Variants in PLEKHH2 observed in about 807,000 individuals in gnomAD.
The protein encoded by PLEKHH2 is pleckstrin homology, MyTH4 and FERM domain containing H2, also known as pleckstrin homology domain-containing family H member 2.
Under a neutral mutation model 187.9 loss-of-function variants are expected in PLEKHH2, and 129 were observed. The observed-to-expected ratio is 0.69, with a 90% CI of 0.59 to 0.79. The LOEUF (loss-of-function observed/expected upper bound fraction) is 0.79, where lower values mean the gene tolerates loss of function less well. Ranked by LOEUF, PLEKHH2 falls within the 30% of genes least tolerant of loss-of-function variation. The probability of loss-of-function intolerance (pLI) is 0.00; values close to 1 mark genes in which losing one functional copy is unlikely to be tolerated. For missense variants in PLEKHH2, 2,076 were observed against 1,751.2 expected, an observed-to-expected ratio of 1.19 and a Z score of -3.31; for synonymous variants, 686 against 605.6, an observed-to-expected ratio of 1.13 and a Z score of -1.95.
At chr2:43,744,867 C>CAAAAA (rs774106764) in intron 23 of PLEKHH2, among the ~76,000 whole-genome samples, 56 of 82,560 alleles carry the variant, frequency 6.8e-4, no homozygotes, top group South Asian at 1.5e-3. Context: ...GACTGTCTCA[C>CAAAAA]AAAAAAAAAA....
At chr2:43,723,345 C>T (rs1670575126) in intron 16 of PLEKHH2, among the ~76,000 whole-genome samples, 1 of 152,072 alleles carries the variant, frequency 6.6e-6, no homozygotes, top group South Asian at 2.1e-4. Context: ...GAGGAGCCTT[C>T]CTAAGGCAAT....
intron 7 of PLEKHH2, 102 bp downstream of exon 7, chr2:43,697,458 G>A (rs936246590): frequency 1.0e-6 from 1 of 970,400 alleles, no homozygotes; most frequent in African/African-American, 1.7e-5. Context: ...ATTTTTTTCT[G>A]ACAATTTGAT....
intron 27 of PLEKHH2, 83 bp downstream of exon 27, chr2:43,759,112 G>T: frequency 6.9e-7 from 1 of 1,442,766 alleles, no homozygotes; most frequent in South Asian, 1.6e-5. Context: ...TAGTATCCTT[G>T]GCTTTTGTAA....
chr2:43,695,196 G>A lies in PLEKHH2; in HGVS notation c.474G>A (p.Glu158=), dbSNP rs181193760. Residue 158 remains glutamate, a synonymous_variant, in exon 6 of 30, where the codon GAG becomes GAA. Transcript: ENST00000282406. ...LRLINQNQTE[E]IRTMQSKLQE... is the part of the protein sequence containing the mutation. ...TGATCAACCAAAACCAAACTGAAGA[G>A]ATAAGAACAATGCAGTCAAAACTAC... The A allele has an allele frequency of 1.3e-6, 2 of 1,596,414 alleles. No individual in the cohort carries two copies. Among genetic ancestry groups the A allele is most frequent in the Non-Finnish European group, 1.7e-6 (2 of 1,168,972 alleles).
At chr2:43,675,991 A>C in intron 2 of PLEKHH2, 1 of 1,613,974 alleles carries the variant, frequency 6.2e-7, no homozygotes, top group Non-Finnish European at 8.5e-7. Flanking sequence ...ATTACTTTCT[A>C]TATTGAACAA....
Position 43,765,708 on chromosome 2 carries a change from A to T in PLEKHH2, c.*110A>T, listed in dbSNP as rs372817754. 20 of 975,960 alleles carry T rather than the reference A, an allele frequency of 2.0e-5. 1 individual carries two copies. The highest frequency in any genetic ancestry group is 1.8e-4 in the African/African-American group (11 of 60,730). The allele number at this position is 975,960 out of a possible 1,614,324, so 60.5% of individuals were successfully genotyped here. ...ACGGCAGCCACACACCGGTATTCCA[A>T]ACCTTAACAATGAAGGGGGTTAGTC... On this transcript the variant is annotated 3_prime_UTR_variant, in exon 30 of 30. Transcript: ENST00000282406.
chr2:43,724,135 T>TAA (rs1670623738), intron 16 of PLEKHH2, among the ~76,000 whole-genome samples: 1 of 97,216 alleles, frequency 1.0e-5, no homozygotes. Flanking sequence ...AAGGAGGACT[T>TAA]ACCAAGGTAA....
chr2:43,725,189 T>G (rs1274733377), intron 16 of PLEKHH2, among the ~76,000 whole-genome samples: 3 of 152,212 alleles, frequency 2.0e-5, no homozygotes, highest in Non-Finnish European at 4.4e-5. Context: ...CAGCTCTGTC[T>G]CATTCCGTAA....
chr2:43,758,974 A>T lies in PLEKHH2; in HGVS notation c.4016A>T (p.Tyr1339Phe). Residue 1339 changes from tyrosine (Y) to phenylalanine (F), a missense_variant, in exon 27 of 30, where the codon TAT becomes TTT. By Grantham distance (22) the Tyr-to-Phe change is conservative (BLOSUM62 3). Coordinates refer to ENST00000282406, the MANE Select transcript of PLEKHH2 (RefSeq NM_172069.4). ...GHSAADCVRI[Y>F]LTVARKWPFF... ...AGTGCTGCTGACTGTGTGCGCATTTATTTGACAGTAGCCAGGAAGTGGCCA... is the reference window on the plus strand; with the variant it reads ...AGTGCTGCTGACTGTGTGCGCATTTTTTTGACAGTAGCCAGGAAGTGGCCA... The T allele has an allele frequency of 6.2e-7, 1 of 1,612,780 alleles. No homozygotes were observed. Among genetic ancestry groups the T allele is most frequent in the Admixed American group, 1.7e-5 (1 of 59,986 alleles).
chr2:43,642,451 T>C (rs1178957359), intron 1 of PLEKHH2, among the ~76,000 whole-genome samples: 2 of 152,100 alleles, frequency 1.3e-5, no homozygotes, highest in African/African-American at 4.8e-5. Context: ...ATCTAGATGG[T>C]TTTTTATTTT....
intron 15 of PLEKHH2, among the ~76,000 whole-genome samples, chr2:43,714,129 G>C (rs1670100414): frequency 6.6e-6 from 1 of 152,112 alleles, no homozygotes; most frequent in Admixed American, 6.5e-5. Context: ...CTTGTTTCAA[G>C]GACCTCATAT....
chr2:43,682,369 C>T (rs1423587404), intron 3 of PLEKHH2, among the ~76,000 whole-genome samples: 2 of 152,016 alleles, frequency 1.3e-5, no homozygotes, highest in Non-Finnish European at 2.9e-5. Flanking sequence ...TGCAGTGGTG[C>T]CATCTCAGCT....
At chr2:43,669,518 A>G (rs932969407) in intron 2 of PLEKHH2, among the ~76,000 whole-genome samples, 5 of 152,252 alleles carry the variant, frequency 3.3e-5, no homozygotes, top group Non-Finnish European at 5.9e-5. Flanking sequence ...AAAGACATTA[A>G]CAAAATGATA....
chr2:43,744,555 A>G (rs181781436), intron 23 of PLEKHH2, among the ~76,000 whole-genome samples: 16 of 152,260 alleles, frequency 1.1e-4, no homozygotes, highest in Admixed American at 1.0e-3. Flanking sequence ...CCTGAGCTGG[A>G]AATGAAAAAT....
At chr2:43,728,340 G>C (rs138351191) in intron 17 of PLEKHH2, among the ~76,000 whole-genome samples, 1 of 151,452 alleles carries the variant, frequency 6.6e-6, no homozygotes, top group African/African-American at 2.4e-5. Context: ...GTAGCTGGAC[G>C]TGGTGACAGG....
chr2:43,736,066 A>G (rs1030694245), intron 19 of PLEKHH2, among the ~76,000 whole-genome samples: 2 of 152,142 alleles, frequency 1.3e-5, no homozygotes, highest in Non-Finnish European at 2.9e-5. Flanking sequence ...TGTTATTATT[A>G]TTATTATTTA....
chr2:43,710,878 G>C (rs921711073), intron 14 of PLEKHH2: 1 of 1,126,536 alleles, frequency 8.9e-7, no homozygotes, highest in African/African-American at 1.6e-5. Flanking sequence ...TTTAAGGAAG[G>C]GTTATCTGGT....
At chr2:43,714,394 C>T (rs113344788) in intron 15 of PLEKHH2, among the ~76,000 whole-genome samples, 2,981 of 152,214 alleles carry the variant, frequency 0.02, 102 homozygotes, top group African/African-American at 0.068. Context: ...TCCTTCCTGC[C>T]ATTTGTGCTT....
intron 16 of PLEKHH2, among the ~76,000 whole-genome samples, chr2:43,722,432 C>T (rs1670526336): frequency 6.6e-6 from 1 of 152,148 alleles, no homozygotes; most frequent in African/African-American, 2.4e-5. Flanking sequence ...CTGAAGGCAG[C>T]TGGTCCTCGA....
Sources: allele counts gnomAD v4.1 joint callset (sites outside exome capture counted in the v4.1 genomes callset), GRCh38; gene constraint gnomAD v4.1.1; transcripts MANE v1.5; gene names NCBI Gene and HGNC (gene_info 2026-07-23, HGNC 2026-07-21).